Variants in SCAPER observed in about 807,000 individuals in gnomAD.
The protein encoded by SCAPER is S-phase cyclin A associated protein in the ER.
A neutral mutation model predicts 182.2 loss-of-function variants in SCAPER; 98 were observed. That is an observed-to-expected ratio of 0.54 (90% CI 0.46 to 0.64). The LOEUF is 0.64. Ranked by LOEUF, SCAPER falls within the 30% of genes least tolerant of loss-of-function variation. The pLI, the probability that SCAPER is intolerant of heterozygous loss-of-function variation, is 0.00. For missense variants in SCAPER, 1,432 were observed against 1,690.0 expected (o/e 0.85, Z 2.68); for synonymous variants, 605 against 564.6 (o/e 1.07, Z -1.01).
intron 23 of SCAPER, among the ~76,000 whole-genome samples, chr15:76,553,776 A>G (rs1311371111): frequency 1.3e-5 from 2 of 152,104 alleles, no homozygotes; most frequent in African/African-American, 2.4e-5. Context: ...CCCACATTAT[A>G]CTACAGTCAA....
chr15:76,808,011 A>G (rs1271626609), intron 5 of SCAPER, among the ~76,000 whole-genome samples: 1 of 152,140 alleles, frequency 6.6e-6, no homozygotes, highest in African/African-American at 2.4e-5. Flanking sequence ...AGATACCTAC[A>G]TCACCTAGCT....
intron 4 of SCAPER, among the ~76,000 whole-genome samples, chr15:76,847,115 G>C (rs1282149342): frequency 6.6e-6 from 1 of 152,096 alleles, no homozygotes; most frequent in Non-Finnish European, 1.5e-5. Flanking sequence ...ACATCACATG[G>C]TCTCACTTAT....
intron 20 of SCAPER, among the ~76,000 whole-genome samples, chr15:76,680,569 G>A (rs188222932): frequency 1.3e-5 from 2 of 152,142 alleles, no homozygotes; most frequent in Admixed American, 1.3e-4. Flanking sequence ...GGGCATACTG[G>A]GAAGTTATTG....
chr15:76,623,898 A>G (rs2052338427), intron 21 of SCAPER, among the ~76,000 whole-genome samples: 1 of 152,196 alleles, frequency 6.6e-6, no homozygotes, highest in Non-Finnish European at 1.5e-5. Context: ...GAATTGAAGG[A>G]ACATACCTCA....
At chr15:76,448,978 T>C (rs903006949) in intron 25 of SCAPER, among the ~76,000 whole-genome samples, 1 of 152,184 alleles carries the variant, frequency 6.6e-6, no homozygotes, top group Non-Finnish European at 1.5e-5. Context: ...CAAAGCTTGA[T>C]AATGCTGACA....
rs577223927 is a variant in SCAPER at position 76,510,489 on chromosome 15, A to G, written c.2839-5515T>C. On this transcript the variant is annotated intron_variant, in intron 23 of 31. Transcript: ENST00000563290. ...TATACAAATGGCCAATAAACATATG[A>G]AAAAATGTTCAACATCACTAATAAT... 3.3e-5 allele frequency among the ~76,000 whole-genome samples: 5 copies of G among 152,372 alleles called. No homozygotes were observed. The South Asian group carries it at 1.0e-3, about 32-fold the overall frequency.
At chr15:76,368,914 T>C (rs2041976841) in intron 29 of SCAPER, among the ~76,000 whole-genome samples, 1 of 152,208 alleles carries the variant, frequency 6.6e-6, no homozygotes, top group Non-Finnish European at 1.5e-5. Context: ...ATACTAATTA[T>C]GTTCATTATA....
intron 20 of SCAPER, among the ~76,000 whole-genome samples, chr15:76,696,904 T>C (rs1003721070): frequency 2.6e-5 from 4 of 152,096 alleles, no homozygotes; most frequent in African/African-American, 4.8e-5. Flanking sequence ...CAAGAAACAG[T>C]AGAAAAATGT....
At chr15:76,759,791 T>C (rs2062667613) in intron 14 of SCAPER, among the ~76,000 whole-genome samples, 1 of 152,172 alleles carries the variant, frequency 6.6e-6, no homozygotes, top group South Asian at 2.1e-4. Context: ...TATTTCACCA[T>C]ACTTACATTC....
intron 4 of SCAPER, among the ~76,000 whole-genome samples, chr15:76,851,542 T>C (rs2070756849): frequency 6.6e-6 from 1 of 152,098 alleles, no homozygotes; most frequent in Non-Finnish European, 1.5e-5. Context: ...CCAACATTCT[T>C]AGAGAAAAAA....
intron 2 of SCAPER, among the ~76,000 whole-genome samples, chr15:76,871,190 A>G (rs1262260391): frequency 6.6e-6 from 1 of 152,026 alleles, no homozygotes; most frequent in Non-Finnish European, 1.5e-5. Context: ...CGGGCGGATC[A>G]TGAGGTCAGG....
intron 9 of SCAPER, among the ~76,000 whole-genome samples, chr15:76,773,661 T>C (rs1177130234): frequency 6.6e-6 from 1 of 151,844 alleles, no homozygotes; most frequent in African/African-American, 2.4e-5. Flanking sequence ...ATAAAACCAA[T>C]ACACATTAAA....
chr15:76,781,153 C>A (rs1320037315), intron 8 of SCAPER, among the ~76,000 whole-genome samples: 1 of 152,072 alleles, frequency 6.6e-6, no homozygotes, highest in Non-Finnish European at 1.5e-5. Context: ...AAAGGTTCCA[C>A]GAATGCCTAA....
At chr15:76,881,641 A>C (rs538799878) in intron 2 of SCAPER, among the ~76,000 whole-genome samples, 1 of 152,360 alleles carries the variant, frequency 6.6e-6, no homozygotes, top group South Asian at 2.1e-4. Flanking sequence ...AAAAAGACAA[A>C]TACTGGATGA....
intron 22 of SCAPER, among the ~76,000 whole-genome samples, chr15:76,578,927 T>C (rs1448165236): frequency 6.6e-6 from 1 of 152,204 alleles, no homozygotes; most frequent in Non-Finnish European, 1.5e-5. Context: ...GAAATAGTTG[T>C]TTTGATGAAA....
At chr15:76,698,824 A>G (rs2058782465) in intron 20 of SCAPER, among the ~76,000 whole-genome samples, 1 of 152,230 alleles carries the variant, frequency 6.6e-6, no homozygotes, top group African/African-American at 2.4e-5. Flanking sequence ...TTTGATAGGA[A>G]TAGCATTGAA....
intron 15 of SCAPER, chr15:76,737,096 C>A (rs1179851106): frequency 6.6e-6 from 1 of 152,512 alleles, no homozygotes; most frequent in East Asian, 1.9e-4. Flanking sequence ...CCATGAATCA[C>A]AAATGTTCTT....
chr15:76,477,554 CTTTTGA>C (rs2050752978), intron 24 of SCAPER, among the ~76,000 whole-genome samples: 1 of 151,770 alleles, frequency 6.6e-6, no homozygotes, highest in South Asian at 2.1e-4. Flanking sequence ...TTTATGAAGC[CTTTTGA>C]TAGATATTAT....
chr15:76,761,056 T>C (rs985628071), intron 14 of SCAPER, among the ~76,000 whole-genome samples: 2 of 152,212 alleles, frequency 1.3e-5, no homozygotes, highest in Non-Finnish European at 2.9e-5. Flanking sequence ...GTTTAGGCTC[T>C]TTATTTCTTC....
Sources: gnomAD v4.1 joint callset for allele counts (sites outside exome capture counted in the v4.1 genomes callset) on GRCh38, gnomAD v4.1.1 for gene constraint, MANE v1.5 for transcripts, NCBI Gene and HGNC (gene_info 2026-07-23, HGNC 2026-07-21) for gene names.